UNC5C: variants seen among roughly 807,000 people sequenced by gnomAD.
UNC5C encodes the protein unc-5 netrin receptor C.
UNC5C carries 47 observed loss-of-function variants against 99.8 expected under a neutral mutation model. The ratio of observed to expected loss-of-function variants is 0.47; its 90% confidence interval spans 0.37 to 0.60. The LOEUF (loss-of-function observed/expected upper bound fraction) is 0.60. Among genes scored for constraint, UNC5C ranks in the 20% least tolerant of loss-of-function variants. The pLI, the probability that UNC5C is intolerant of heterozygous loss-of-function variation, is 0.00. For missense variants in UNC5C, 1,062 were observed against 1,165.9 expected (o/e 0.91, Z 1.30); for synonymous variants, 487 against 452.2 (o/e 1.08, Z -0.98).
chr4:95,444,872 T>C (rs1747051726), intron 1 of UNC5C, among the ~76,000 whole-genome samples: 1 of 152,158 alleles, frequency 6.6e-6, no homozygotes. Context: ...TGAAATACCA[T>C]ACTGAAACAG....
intron 1 of UNC5C, among the ~76,000 whole-genome samples, chr4:95,470,470 G>C (rs1285920230): frequency 1.3e-5 from 2 of 152,106 alleles, no homozygotes; most frequent in African/African-American, 4.8e-5. Context: ...CATCTGGGAA[G>C]GAGATAGGGA....
At chr4:95,450,482 A>G (rs1389078812) in intron 1 of UNC5C, among the ~76,000 whole-genome samples, 1 of 152,240 alleles carries the variant, frequency 6.6e-6, no homozygotes, top group East Asian at 1.9e-4. Context: ...TCAGCATTAC[A>G]GGCATAAGCC....
intron 1 of UNC5C, among the ~76,000 whole-genome samples, chr4:95,376,970 G>A (rs1221977092): frequency 6.6e-6 from 1 of 152,134 alleles, no homozygotes; most frequent in African/African-American, 2.4e-5. Context: ...AGCCAGCGAA[G>A]TGCTAATATC....
intron 4 of UNC5C, among the ~76,000 whole-genome samples, chr4:95,273,859 C>G (rs1336031833): frequency 6.6e-6 from 1 of 152,068 alleles, no homozygotes; most frequent in Non-Finnish European, 1.5e-5. Flanking sequence ...AGGGTTCAGA[C>G]TGATGGAGTC....
intron 1 of UNC5C, among the ~76,000 whole-genome samples, chr4:95,383,916 G>A (rs1204788762): frequency 1.3e-5 from 2 of 152,034 alleles, no homozygotes; most frequent in Non-Finnish European, 2.9e-5. Flanking sequence ...AGACCAAATG[G>A]TTTCCTCTTC....
intron 1 of UNC5C, among the ~76,000 whole-genome samples, chr4:95,535,482 T>G (rs1310645730): frequency 1.3e-5 from 2 of 152,162 alleles, no homozygotes; most frequent in African/African-American, 2.4e-5. Context: ...GTGCATTAAG[T>G]GTTATTTGGT....
chr4:95,233,836 G>A (rs1287827670), intron 7 of UNC5C, among the ~76,000 whole-genome samples: 2 of 152,114 alleles, frequency 1.3e-5, no homozygotes, highest in Non-Finnish European at 2.9e-5. Flanking sequence ...TCAGGAGGCT[G>A]AGGCAGGAGA....
At chr4:95,475,176 T>C (rs1292986496) in intron 1 of UNC5C, among the ~76,000 whole-genome samples, 1 of 152,012 alleles carries the variant, frequency 6.6e-6, no homozygotes, top group East Asian at 1.9e-4. Flanking sequence ...GAAGGGATAA[T>C]CTAGTCTTAA....
intron 1 of UNC5C, among the ~76,000 whole-genome samples, chr4:95,433,802 G>T (rs553858083): frequency 1.3e-5 from 2 of 152,056 alleles, no homozygotes; most frequent in Non-Finnish European, 1.5e-5. Flanking sequence ...AGTATGATCT[G>T]GCTCCAGCCT....
chr4:95,169,315 G>A lies in UNC5C; in HGVS notation c.2715C>T (p.Asn905=), dbSNP rs2149342901. The part of the protein sequence containing the change: ...LWEAQNFPDG[N]LSMLAAVLEE... Reference sequence around the variant, plus strand: ...CCAAGACAGCTGCCAGCATGCTCAGGTTTCCATCTGGGAAGTTCTGTGCTT... The same window carrying A: ...CCAAGACAGCTGCCAGCATGCTCAGATTTCCATCTGGGAAGTTCTGTGCTT... Residue 905 remains asparagine, a synonymous_variant, in exon 16 of 16, where the codon AAC becomes AAT. Transcript: ENST00000453304. The A allele has an allele frequency of 1.2e-6, 2 of 1,614,186 alleles. No homozygotes were observed. Among genetic ancestry groups the A allele is most frequent in the South Asian group, 1.1e-5 (1 of 91,090 alleles).
At chr4:95,253,215 A>T (rs1739807980) in intron 4 of UNC5C, among the ~76,000 whole-genome samples, 1 of 152,168 alleles carries the variant, frequency 6.6e-6, no homozygotes, top group Admixed American at 6.5e-5. Context: ...CCTCTGGAGA[A>T]CCCATAGCTA....
intron 1 of UNC5C, among the ~76,000 whole-genome samples, chr4:95,509,453 AAACT>A: frequency 6.6e-6 from 1 of 150,476 alleles, no homozygotes. Flanking sequence ...TATAAATCAT[AAACT>A]AAAATAAAGA....
intron 1 of UNC5C, among the ~76,000 whole-genome samples, chr4:95,496,621 T>A (rs1156318861): frequency 6.6e-6 from 1 of 151,906 alleles, no homozygotes; most frequent in Admixed American, 6.6e-5. Context: ...ACATAAATAT[T>A]GGGTACTAAA....
chr4:95,303,368 C>A (rs1046892565), intron 2 of UNC5C, among the ~76,000 whole-genome samples: 4 of 152,170 alleles, frequency 2.6e-5, no homozygotes, highest in Non-Finnish European at 4.4e-5. Context: ...CTACTCACAT[C>A]TACAATGTTT....
rs879197963 is a variant in UNC5C at position 95,218,876 on chromosome 4, G to T, written c.1645+93C>A. 6.8e-5 allele frequency: 84 copies of T among 1,238,342 alleles called. No homozygotes were observed. In the South Asian group the frequency reaches 1.3e-3, roughly 19 times the overall value. 76.7% of individuals were successfully genotyped at this position (1,238,342 alleles called of 1,614,324 possible). On this transcript the variant is annotated intron_variant, in intron 9 of 15. Transcript: ENST00000453304. Reference sequence around the variant, plus strand: ...GGATAGGTCACATTTAACATTTCAGGCCTAATGAAAACATCCCACGAACAA... The same window carrying T: ...GGATAGGTCACATTTAACATTTCAGTCCTAATGAAAACATCCCACGAACAA...
At chr4:95,356,221 A>AAC (rs1468268714) in intron 1 of UNC5C, among the ~76,000 whole-genome samples, 10 of 134,816 alleles carry the variant, frequency 7.4e-5, no homozygotes, top group African/African-American at 2.9e-4. Context: ...AACAAAACAA[A>AAC]AAAAAAACAG....
At chr4:95,257,129 C>T (rs1272719245) in intron 4 of UNC5C, among the ~76,000 whole-genome samples, 1 of 152,132 alleles carries the variant, frequency 6.6e-6, no homozygotes, top group Non-Finnish European at 1.5e-5. Flanking sequence ...CACTATCAAC[C>T]ATCACACTAT....
At chr4:95,349,617 G>A (rs569642340) in intron 1 of UNC5C, among the ~76,000 whole-genome samples, 1 of 151,542 alleles carries the variant, frequency 6.6e-6, no homozygotes, top group South Asian at 2.1e-4. Context: ...ATTCCCACAT[G>A]CAACCTATTA....
intron 1 of UNC5C, among the ~76,000 whole-genome samples, chr4:95,408,360 G>A (rs1745883706): frequency 6.6e-6 from 1 of 152,058 alleles, no homozygotes; most frequent in African/African-American, 2.4e-5. Context: ...TTTTTCACCT[G>A]CAACTTTCCT....
Sources: allele counts gnomAD v4.1 joint callset (sites outside exome capture counted in the v4.1 genomes callset), GRCh38; gene constraint gnomAD v4.1.1; transcripts MANE v1.5; gene names NCBI Gene and HGNC (gene_info 2026-07-23, HGNC 2026-07-21).